The following SLC22A23 variants were observed in gnomAD, a reference collection of about 807,000 sequenced individuals.
The protein encoded by SLC22A23 is solute carrier family 22 member 23.
Under a neutral mutation model 61.0 loss-of-function variants are expected in SLC22A23, and 26 were observed. The ratio of observed to expected loss-of-function variants is 0.43; its 90% CI spans 0.31 to 0.59. SLC22A23 has a LOEUF of 0.59. Ranked by LOEUF, SLC22A23 falls within the 20% of genes least tolerant of loss-of-function variation. The pLI, the probability that SLC22A23 is intolerant of heterozygous loss-of-function variation, is 0.11. For missense variants in SLC22A23, 796 were observed against 934.7 expected, an observed-to-expected ratio of 0.85 and a Z score of 1.94; for synonymous variants, 430 against 413.9, an observed-to-expected ratio of 1.04 and a Z score of -0.47.
chr6:3,282,878 G>A (rs1385256421), intron 9 of SLC22A23, among the ~76,000 whole-genome samples: 1 of 152,142 alleles, frequency 6.6e-6, no homozygotes, highest in African/African-American at 2.4e-5. Flanking sequence ...CACGACCCAG[G>A]GGCAGAGACG....
At chr6:3,281,689 G>A (rs1759487225) in intron 9 of SLC22A23, among the ~76,000 whole-genome samples, 1 of 152,042 alleles carries the variant, frequency 6.6e-6, no homozygotes, top group African/African-American at 2.4e-5. Context: ...TTCCATCCTA[G>A]GGCCTCCGTG....
Sources: gnomAD v4.1 joint callset for allele counts (sites outside exome capture counted in the v4.1 genomes callset) on GRCh38, gnomAD v4.1.1 for gene constraint, MANE v1.5 for transcripts, NCBI Gene and HGNC (gene_info 2026-07-23, HGNC 2026-07-21) for gene names.